Variants in DST observed in about 807,000 individuals in gnomAD.
DST encodes the protein bullous pemphigoid antigen.
Under a neutral mutation model 875.2 loss-of-function variants are expected in DST, and 253 were observed. That is an observed-to-expected ratio of 0.29 (90% CI 0.26 to 0.32). DST has a LOEUF of 0.32. Among genes scored for constraint, DST ranks in the 10% least tolerant of loss-of-function variants. The pLI, the probability that DST is intolerant of heterozygous loss-of-function variation, is 1.00. For synonymous variants in DST, 3,124 were observed against 3,197.1 expected (o/e 0.98, Z 0.77); for missense variants, 8,287 against 9,111.6 (o/e 0.91, Z 3.68).
At chr6:56,562,749 C>T (rs895286017) in intron 55 of DST, among the ~76,000 whole-genome samples, 6 of 151,884 alleles carry the variant, frequency 4.0e-5, no homozygotes, top group Non-Finnish European at 7.4e-5. Context: ...GCCCCCCACC[C>T]CCTGACAGGC....
intron 5 of DST, among the ~76,000 whole-genome samples, chr6:56,732,665 C>T (rs144961232): frequency 1.1e-3 from 166 of 152,278 alleles, no homozygotes; most frequent in African/African-American, 3.8e-3. Flanking sequence ...AAATTGACCA[C>T]GCCAGTATCA....
intron 62 of DST, among the ~76,000 whole-genome samples, chr6:56,535,920 T>A (rs1300003253): frequency 2.0e-5 from 3 of 152,208 alleles, no homozygotes; most frequent in African/African-American, 7.2e-5. Flanking sequence ...TGGCAAGATA[T>A]TGTAAGTGCT....
chr6:56,526,523 G>C lies in DST; in HGVS notation c.17967C>G (p.Ser5989=). The part of the protein sequence containing the change: ...EAKNNKALLD[S]LNEVSSALLE... ...GCAAAGCACTGCTCACTTCATTAAG[G>C]GAGTCCAGTAAGGCTTTGTTGTTCT... Residue 5989 remains serine, a synonymous_variant, in exon 69 of 104, where the codon TCC becomes TCG. Transcript: ENST00000680361. 6.2e-7 allele frequency: 1 copy of C among 1,613,678 alleles called. No individual in the cohort carries two copies. Among genetic ancestry groups the C allele is most frequent in the Non-Finnish European group, 8.5e-7 (1 of 1,179,754 alleles).
In DST at chr6:56,608,748, T is replaced by A. The variant is rs1240417748; in HGVS notation, c.5880A>T (p.Thr1960=). 6.2e-7 allele frequency: 1 copy of A among 1,609,938 alleles called. No individual in the cohort carries two copies. The highest frequency in any genetic ancestry group is 8.5e-7 in the Non-Finnish European group (1 of 1,177,896). ...TGCTTATGTTTCTTCCACATTTTAATGTTATTCTACCTCCTTCTTGTGGTC... is the reference window on the plus strand; with the variant it reads ...TGCTTATGTTTCTTCCACATTTTAAAGTTATTCTACCTCCTTCTTGTGGTC... ...PVRPQEGGRI[T]LKCGRNISIL... is the part of the protein sequence containing the mutation. The change falls in exon 40 of 104, where the codon ACA becomes ACT. Residue 1960 remains threonine, a synonymous_variant. Transcript: ENST00000680361.
chr6:56,717,249 G>C (rs1259801054), intron 5 of DST, among the ~76,000 whole-genome samples: 1 of 151,970 alleles, frequency 6.6e-6, no homozygotes, highest in Non-Finnish European at 1.5e-5. Context: ...TCCCTGGCAA[G>C]CACAGTTCAC....
intron 44 of DST, 84 bp downstream of exon 44, chr6:56,601,359 C>A: frequency 1.2e-6 from 1 of 849,328 alleles, no homozygotes; most frequent in Non-Finnish European, 1.8e-6. Context: ...GAAAATCTTT[C>A]CTGTCACACT....
chr6:56,883,411 A>G (rs1395934296), intron 3 of DST, among the ~76,000 whole-genome samples: 1 of 152,256 alleles, frequency 6.6e-6, no homozygotes, highest in African/African-American at 2.4e-5. Flanking sequence ...AAGACAACAA[A>G]TAAGCAAATA....
chr6:56,606,132 A>G lies in DST; in HGVS notation c.8496T>C (p.Ala2832=). Residue 2832 remains alanine, a synonymous_variant, in exon 40 of 104, where the codon GCT becomes GCC. Transcript: ENST00000680361. ...CACACAACTGGATATCCATATCTTC[A>G]GCCACATTTTGGCACCTGGGCTTTC... ...ENGKPRCQNV[A]EDMDIQLCAS... 6.2e-7 allele frequency: 1 copy of G among 1,612,642 alleles called. No individual in the cohort carries two copies. The highest frequency in any genetic ancestry group is 1.3e-5 in the African/African-American group (1 of 75,000).
intron 15 of DST, 102 bp downstream of exon 15, chr6:56,645,764 A>G (rs1425597043): frequency 7.3e-7 from 1 of 1,379,206 alleles, no homozygotes; most frequent in African/African-American, 1.5e-5. Context: ...TAAGAGACTT[A>G]TCCAAGGCCA....
At chr6:56,619,307 A>G (rs770169839) in intron 36 of DST, 4 of 1,611,814 alleles carry the variant, frequency 2.5e-6, no homozygotes, top group Non-Finnish European at 3.4e-6. Flanking sequence ...AAGCTCCTCT[A>G]CTTTTTGTTT....
In DST at chr6:56,639,539, T is replaced by C. The variant is rs754450359; in HGVS notation, c.2770A>G (p.Ile924Val). Residue 924 changes from isoleucine to valine, a missense_variant, in exon 21 of 104, where the codon ATT (isoleucine) becomes GTT (valine). By Grantham distance (29) the Ile-to-Val change is conservative (BLOSUM62 3). Coordinates refer to ENST00000680361, the MANE Select transcript of DST (RefSeq NM_001374736.1). The part of the protein sequence containing the change: ...NFVSRATNEL[I>V]WLNEKEEEEV... ...TCCTCTTCTTTTTCATTCAACCAAA[T>C]AAGTTCATTAGTCGCACGACTTACA... 6.2e-7 allele frequency: 1 copy of C among 1,613,930 alleles called. No individual in the cohort carries two copies. The highest frequency in any genetic ancestry group is 8.5e-7 in the Non-Finnish European group (1 of 1,179,886).
intron 89 of DST, 69 bp downstream of exon 89, chr6:56,482,614 T>G: frequency 1.3e-6 from 2 of 1,503,662 alleles, no homozygotes; most frequent in Middle Eastern, 2.4e-4. Flanking sequence ...AATTTTTTAC[T>G]AGAATAGTTC....
intron 69 of DST, among the ~76,000 whole-genome samples, chr6:56,524,469 G>A (rs906530868): frequency 1.3e-5 from 2 of 152,070 alleles, no homozygotes; most frequent in African/African-American, 4.8e-5. Flanking sequence ...AATTTATGAG[G>A]AGGCACAGCA....
At chr6:56,825,541 T>C (rs2099779422) in intron 4 of DST, among the ~76,000 whole-genome samples, 1 of 151,160 alleles carries the variant, frequency 6.6e-6, no homozygotes, top group Non-Finnish European at 1.5e-5. Context: ...TGTAGTTTTC[T>C]AACTTGCTTT....
intron 3 of DST, among the ~76,000 whole-genome samples, chr6:56,891,198 C>A (rs1787230415): frequency 1.3e-5 from 2 of 152,182 alleles, no homozygotes; most frequent in Non-Finnish European, 2.9e-5. Flanking sequence ...GAGCCAACAG[C>A]CTTCTCACTA....
In DST at chr6:56,472,226, T is replaced by C. The variant is rs1206565930; in HGVS notation, c.21995-4A>G. The C allele has an allele frequency of 6.2e-7, 1 of 1,613,244 alleles. No homozygotes were observed. The highest frequency in any genetic ancestry group is 8.5e-7 in the Non-Finnish European group (1 of 1,179,488). On this transcript the variant is annotated splice_polypyrimidine_tract_variant and splice_region_variant and intron_variant, in intron 93 of 103. Coordinates refer to ENST00000680361, the MANE Select transcript of DST (RefSeq NM_001374736.1). ...CTTGATGCTGGAAAGCGTTTTCCTG[T>C]GAAGGTATAACTTCGGTTAGGATGG...
Position 56,569,834 on chromosome 6 carries a change from G to C in DST, c.13878+22C>G, listed in dbSNP as rs759684673. 4 of 1,587,984 alleles carry C rather than the reference G, an allele frequency of 2.5e-6. No homozygotes were observed. The South Asian group carries it at 4.7e-5, about 19-fold the overall frequency. On this transcript the variant is annotated intron_variant, in intron 54 of 103. Transcript: ENST00000680361. ...CATTATTGACACAAATGGAAATTTA[G>C]TATTAGATAACAATGATTCACCTTA...
intron 69 of DST, among the ~76,000 whole-genome samples, chr6:56,522,268 G>A (rs535235317): frequency 6.6e-6 from 1 of 152,208 alleles, no homozygotes; most frequent in African/African-American, 2.4e-5. Context: ...ATGAGGTAAA[G>A]GGAAGTTAAC....
intron 4 of DST, among the ~76,000 whole-genome samples, chr6:56,764,935 T>C (rs58980183): frequency 0.25 from 33,614 of 133,084 alleles, 4,670 homozygotes; most frequent in African/African-American, 0.42. Context: ...GCAGCCTGGG[T>C]GACAGAGTGA....
Sources: gnomAD v4.1 joint callset for allele counts (sites outside exome capture counted in the v4.1 genomes callset) on GRCh38, gnomAD v4.1.1 for gene constraint, MANE v1.5 for transcripts, NCBI Gene and HGNC (gene_info 2026-07-23, HGNC 2026-07-21) for gene names.